The following ENOX1 variants were observed in gnomAD, a reference collection of about 807,000 sequenced individuals.
The protein encoded by ENOX1 is ecto-NOX disulfide-thiol exchanger 1.
ENOX1 carries 42 observed loss-of-function variants against 82.5 expected under a neutral mutation model. That is an observed-to-expected ratio of 0.51 (90% confidence interval 0.40 to 0.66). The LOEUF is 0.66. Among genes scored for constraint, ENOX1 ranks in the 30% least tolerant of loss-of-function variants. The probability of loss-of-function intolerance (pLI) is 0.00; values close to 1 mark genes in which losing one functional copy is unlikely to be tolerated. For synonymous variants in ENOX1, 271 were observed against 282.2 expected (o/e 0.96, Z 0.40); for missense variants, 608 against 811.6 (o/e 0.75, Z 3.05).
intron 9 of ENOX1, among the ~76,000 whole-genome samples, chr13:43,341,833 G>A (rs773964167): frequency 5.9e-5 from 9 of 152,116 alleles, no homozygotes; most frequent in East Asian, 1.9e-4. Context: ...TATATTTCTC[G>A]CATTCTTTGT....
At chr13:43,345,076 A>C (rs2049298094) in intron 8 of ENOX1, among the ~76,000 whole-genome samples, 1 of 152,196 alleles carries the variant, frequency 6.6e-6, no homozygotes, top group African/African-American at 2.4e-5. Flanking sequence ...CTTTCTTAAG[A>C]TGGACTTGAA....
chr13:43,542,023 C>T (rs546305239), intron 2 of ENOX1, among the ~76,000 whole-genome samples: 1 of 152,288 alleles, frequency 6.6e-6, no homozygotes, highest in African/African-American at 2.4e-5. Flanking sequence ...TCCAGAAAAT[C>T]CCCTCAGCAA....
intron 3 of ENOX1, among the ~76,000 whole-genome samples, chr13:43,475,111 G>A (rs1312563955): frequency 6.6e-6 from 1 of 152,100 alleles, no homozygotes; most frequent in Non-Finnish European, 1.5e-5. Flanking sequence ...AAATTAATGT[G>A]CCAGATGCCA....
intron 1 of ENOX1, among the ~76,000 whole-genome samples, chr13:43,750,639 G>C (rs948284467): frequency 1.3e-5 from 2 of 152,112 alleles, no homozygotes; most frequent in African/African-American, 4.8e-5. Context: ...ACGAGTCTTG[G>C]AACAAGACTG....
At chr13:43,584,872 T>C (rs893746806) in intron 2 of ENOX1, among the ~76,000 whole-genome samples, 19 of 152,082 alleles carry the variant, frequency 1.2e-4, no homozygotes, top group African/African-American at 2.4e-4. Context: ...AAAATCTCCA[T>C]CCGCAGGCAA....
intron 2 of ENOX1, among the ~76,000 whole-genome samples, chr13:43,577,533 T>C (rs2080497677): frequency 6.6e-6 from 1 of 152,184 alleles, no homozygotes; most frequent in Non-Finnish European, 1.5e-5. Context: ...GGAAGAACAC[T>C]GTGTCCTCAT....
At chr13:43,754,343 A>ATTT (rs1379432214) in intron 1 of ENOX1, among the ~76,000 whole-genome samples, 12 of 139,598 alleles carry the variant, frequency 8.6e-5, no homozygotes, top group African/African-American at 3.4e-4. Flanking sequence ...ATATATTATT[A>ATTT]TTATTATTTA....
chr13:43,739,953 T>C (rs2089821343), intron 1 of ENOX1, among the ~76,000 whole-genome samples: 1 of 152,058 alleles, frequency 6.6e-6, no homozygotes. Context: ...ATAGTAAAAA[T>C]ATATTTTCTC....
At chr13:43,273,432 C>G (rs971069078) in intron 12 of ENOX1, among the ~76,000 whole-genome samples, 1 of 152,128 alleles carries the variant, frequency 6.6e-6, no homozygotes, top group South Asian at 2.1e-4. Flanking sequence ...AAAATCTAAA[C>G]CACTAAACTC....
rs1441305736 is a variant in ENOX1 at position 43,786,542 on chromosome 13, C to G, written c.-285+110G>C. ...CTAGCTCCACTCCCCTCCCCCCTCGCCCACTCCCCTCTCAGTCTAGATCCA... is the reference window on the plus strand; with the variant it reads ...CTAGCTCCACTCCCCTCCCCCCTCGGCCACTCCCCTCTCAGTCTAGATCCA... On this transcript the variant is annotated intron_variant, in intron 1 of 16. Transcript: ENST00000690772. The surrounding 1 kb of genome is among the most constrained non-coding windows in gnomAD (Gnocchi z 6.0). The G allele has an allele frequency of 6.6e-6, 1 of 152,496 alleles. No individual in the cohort carries two copies. The highest frequency in any genetic ancestry group is 1.5e-5 in the Non-Finnish European group (1 of 68,378). 9.4% of individuals were successfully genotyped at this position (152,496 alleles called of 1,614,324 possible).
chr13:43,247,044 G>A (rs766410380), intron 14 of ENOX1, among the ~76,000 whole-genome samples: 1 of 152,216 alleles, frequency 6.6e-6, no homozygotes, highest in African/African-American at 2.4e-5. Flanking sequence ...CCTCTAGGCT[G>A]GGTGCGGTGG....
chr13:43,700,702 C>T (rs1329510789), intron 1 of ENOX1, among the ~76,000 whole-genome samples: 1 of 151,956 alleles, frequency 6.6e-6, no homozygotes, highest in East Asian at 1.9e-4. Context: ...TCTTAAAGTC[C>T]AAAATTCTGA....
At chr13:43,443,997 G>C (rs1000283258) in intron 3 of ENOX1, among the ~76,000 whole-genome samples, 2 of 152,196 alleles carry the variant, frequency 1.3e-5, no homozygotes, top group Admixed American at 6.5e-5. Context: ...AGGAAGTACA[G>C]GTAGTAAGAA....
At chr13:43,462,477 C>T (rs1367882169) in intron 3 of ENOX1, among the ~76,000 whole-genome samples, 1 of 152,158 alleles carries the variant, frequency 6.6e-6, no homozygotes, top group Non-Finnish European at 1.5e-5. Flanking sequence ...TATTACAATT[C>T]AAATAAGCTT....
At chr13:43,432,263 A>G (rs1000317614) in intron 3 of ENOX1, among the ~76,000 whole-genome samples, 3 of 152,174 alleles carry the variant, frequency 2.0e-5, no homozygotes, top group African/African-American at 7.2e-5. Flanking sequence ...GCAAACAAAT[A>G]AACACTCAAA....
intron 11 of ENOX1, among the ~76,000 whole-genome samples, chr13:43,312,351 A>AT (rs2047252096): frequency 6.6e-6 from 1 of 152,190 alleles, no homozygotes; most frequent in African/African-American, 2.4e-5. Context: ...AGGCACTTCA[A>AT]TAAGTCTTGA....
At chr13:43,778,014 C>T (rs1952023396) in intron 1 of ENOX1, among the ~76,000 whole-genome samples, 1 of 152,196 alleles carries the variant, frequency 6.6e-6, no homozygotes, top group Non-Finnish European at 1.5e-5. Context: ...AAGCAAAGCC[C>T]AGTAAGCTCT....
intron 2 of ENOX1, among the ~76,000 whole-genome samples, chr13:43,635,178 A>G (rs556122981): frequency 1.3e-5 from 2 of 152,352 alleles, no homozygotes; most frequent in South Asian, 2.1e-4. Context: ...GTGAAGTGAT[A>G]AAAGAGAACA....
intron 1 of ENOX1, among the ~76,000 whole-genome samples, chr13:43,785,888 C>G (rs930729331): frequency 1.3e-5 from 2 of 152,006 alleles, no homozygotes; most frequent in Admixed American, 6.5e-5. Flanking sequence ...GGGCCGCGTC[C>G]GTGGGAGGCT....
Sources: gnomAD v4.1 joint callset for allele counts (sites outside exome capture counted in the v4.1 genomes callset) on GRCh38, gnomAD v4.1.1 for gene constraint, Gnocchi (gnomAD v3.1) non-coding constraint, MANE v1.5 for transcripts, NCBI Gene and HGNC (gene_info 2026-07-23, HGNC 2026-07-21) for gene names.